The following TBC1D19 variants were observed in gnomAD, a reference collection of about 807,000 sequenced individuals.
TBC1D19 encodes TBC1 domain family, member 19.
A neutral mutation model predicts 89.0 loss-of-function variants in TBC1D19; 60 were observed. The ratio of observed to expected loss-of-function variants is 0.67; its 90% CI spans 0.55 to 0.84. The LOEUF (loss-of-function observed/expected upper bound fraction) is 0.84. Ranked by LOEUF, TBC1D19 falls within the 40% of genes least tolerant of loss-of-function variation. TBC1D19 has a pLI of 0.00. For synonymous variants in TBC1D19, 189 were observed against 199.7 expected (o/e 0.95, Z 0.45); for missense variants, 500 against 610.8 (o/e 0.82, Z 1.91).
chr4:26,695,154 G>C (rs1430642619), intron 13 of TBC1D19, among the ~76,000 whole-genome samples: 3 of 152,190 alleles, frequency 2.0e-5, no homozygotes, highest in Non-Finnish European at 2.9e-5. Context: ...CTGTAGAGAA[G>C]TACGTAAGTG....
the TBC1D19 span, among the ~76,000 whole-genome samples, chr4:26,806,574 C>T: frequency 2.0e-5 from 3 of 152,188 alleles, no homozygotes; most frequent in Non-Finnish European, 2.9e-5. Context: ...GTCAGGGTGC[C>T]TGGCATGAAG....
chr4:26,606,682 A>G (rs2109998811), intron 1 of TBC1D19, among the ~76,000 whole-genome samples: 1 of 152,332 alleles, frequency 6.6e-6, no homozygotes, highest in Middle Eastern at 3.4e-3. Context: ...CAAGCATTAA[A>G]TGGTTAGTCA....
chr4:26,659,642 C>T lies in TBC1D19; in HGVS notation c.526C>T (p.Leu176Phe), dbSNP rs910156295. ...CCCAAATTATGAAAACGGTGATTCT[C>T]TTAGTTTCAGGACTCATTTGGGTTT... Reference protein sequence around the residue: ...RNPNYENGDSLSFRTHLGLIQ... With the variant: ...RNPNYENGDSFSFRTHLGLIQ... Residue 176 changes from leucine to phenylalanine, a missense_variant, in exon 8 of 21, where the codon CTT becomes TTT. By Grantham distance (22) the Leu-to-Phe change is conservative. Transcript: ENST00000264866. 1.9e-5 allele frequency: 30 copies of T among 1,593,438 alleles called. No homozygotes were observed. Among genetic ancestry groups the T allele is most frequent in the Non-Finnish European group, 2.5e-5 (29 of 1,165,784 alleles).
At position 26,753,216 on chromosome 4, in the gene TBC1D19, C is replaced by T. The variant is rs188628725; in HGVS notation, c.1436-604C>T. On this transcript the variant is annotated intron_variant, in intron 19 of 20. Coordinates refer to ENST00000264866, the MANE Select transcript of TBC1D19 (RefSeq NM_018317.4). ...CTTTAAAGCCATGTTTCTATCAGGA[C>T]ACCTCCTTGTTACATATGAAACATA... 6.9e-4 allele frequency among the ~76,000 whole-genome samples: 105 copies of T among 152,310 alleles called. 1 individual carries two copies. The highest frequency in any genetic ancestry group is 2.2e-3 in the African/African-American group (93 of 41,578).
the TBC1D19 span, among the ~76,000 whole-genome samples, chr4:26,761,617 C>T: frequency 1.8e-3 from 280 of 152,114 alleles, no homozygotes; most frequent in African/African-American, 6.4e-3. Context: ...TGGGATTTTC[C>T]ATATATACAG....
Position 26,637,284 on chromosome 4 carries a change from A to T in TBC1D19, c.368A>T (p.Lys123Met), listed in dbSNP as rs1366364907. ...CTELSIPLAR[K>M]RPVGEQKELL... The stretch of plus-strand genomic sequence containing the variant: ...GAACTGAGTATCCCACTGGCACGAA[A>T]GGTACTTTTAAACATTTTTCTGTTT... Residue 123 changes from lysine to methionine, a missense_variant and splice_region_variant, in exon 5 of 21, where the codon AAG (lysine) becomes ATG (methionine). Physicochemically the swap from Lys to Met is moderately conservative, Grantham distance 95. This residue lies in a region of TBC1D19 where 280 missense variants were observed against 291.7 expected (regional missense o/e 0.96). Coordinates refer to ENST00000264866, the MANE Select transcript of TBC1D19 (RefSeq NM_018317.4). 6.2e-7 allele frequency: 1 copy of T among 1,607,708 alleles called. No individual in the cohort carries two copies.
At chr4:26,715,597 A>G (rs1017064123) in intron 13 of TBC1D19, among the ~76,000 whole-genome samples, 3 of 152,086 alleles carry the variant, frequency 2.0e-5, no homozygotes, top group Non-Finnish European at 4.4e-5. Context: ...CCAATGCTGC[A>G]GAGAGTTCTA....
At chr4:26,798,101 AACAG>A in the TBC1D19 span, among the ~76,000 whole-genome samples, 1 of 152,240 alleles carries the variant, frequency 6.6e-6, no homozygotes, top group African/African-American at 2.4e-5. Context: ...CAGCAGAGTA[AACAG>A]ACAACCTATA....
intron 19 of TBC1D19, among the ~76,000 whole-genome samples, chr4:26,748,991 G>A (rs911740690): frequency 5.3e-5 from 8 of 152,180 alleles, no homozygotes; most frequent in Non-Finnish European, 1.0e-4. Flanking sequence ...ATTTATAAAT[G>A]AAGTTAAAAC....
the TBC1D19 span, among the ~76,000 whole-genome samples, chr4:26,807,278 G>A: frequency 1.3e-5 from 2 of 152,102 alleles, no homozygotes; most frequent in Non-Finnish European, 2.9e-5. Flanking sequence ...CAGAACCTGA[G>A]CCTCCATAGC....
Position 26,714,411 on chromosome 4 carries a change from G to A in TBC1D19, c.955-3522G>A, listed in dbSNP as rs186037363. 4.6e-5 allele frequency among the ~76,000 whole-genome samples: 7 copies of A among 152,080 alleles called. No homozygotes were observed. In the South Asian group the frequency reaches 6.2e-4, roughly 14 times the overall value. Reference sequence around the variant, plus strand: ...TACCACTTGAACTGAAACTACTCTCGTCAAGGTCATCAAGAACTAAACCCA... The same window carrying A: ...TACCACTTGAACTGAAACTACTCTCATCAAGGTCATCAAGAACTAAACCCA... On this transcript the variant is annotated intron_variant, in intron 13 of 20. Transcript: ENST00000264866.
rs140431686 is a variant in TBC1D19 at position 26,747,650 on chromosome 4, A to C, written c.1320-761A>C. On this transcript the variant is annotated intron_variant, in intron 18 of 20. Coordinates refer to ENST00000264866, the MANE Select transcript of TBC1D19 (RefSeq NM_018317.4). ...GACAGTCAAGTGATATTAGATGCTA[A>C]TAGATAATACAGAAATATGAAGAAC... is the stretch of plus-strand genomic sequence containing the variant. Among the ~76,000 whole-genome samples, 25 of 152,336 alleles carry C rather than the reference A, an allele frequency of 1.6e-4. No homozygotes were observed. The East Asian group carries it at 4.6e-3, about 28-fold the overall frequency.
chr4:26,696,403 A>G (rs542645810), intron 13 of TBC1D19, among the ~76,000 whole-genome samples: 1 of 152,322 alleles, frequency 6.6e-6, no homozygotes, highest in East Asian at 1.9e-4. Flanking sequence ...CCTCACGATA[A>G]TAATGGGAGA....
At chr4:26,671,236 G>A (rs1290202523) in intron 9 of TBC1D19, among the ~76,000 whole-genome samples, 1 of 151,652 alleles carries the variant, frequency 6.6e-6, no homozygotes, top group African/African-American at 2.4e-5. Flanking sequence ...TAGCTATTGT[G>A]GTGGTTGTGT....
chr4:26,656,594 T>A (rs1346552965), intron 7 of TBC1D19, among the ~76,000 whole-genome samples: 2 of 151,998 alleles, frequency 1.3e-5, no homozygotes, highest in Non-Finnish European at 2.9e-5. Flanking sequence ...AGTGTTGCTC[T>A]GCCATCCAGG....
intron 11 of TBC1D19, among the ~76,000 whole-genome samples, chr4:26,680,039 C>G (rs934226488): frequency 1.3e-5 from 2 of 152,120 alleles, no homozygotes; most frequent in Admixed American, 1.3e-4. Flanking sequence ...TGAGTTAGTT[C>G]TCCTGAGATC....
chr4:26,664,255 C>T lies in TBC1D19; in HGVS notation c.592-2078C>T, dbSNP rs538150021. 5.9e-5 allele frequency among the ~76,000 whole-genome samples: 9 copies of T among 152,268 alleles called. No homozygotes were observed. The South Asian group carries it at 1.9e-3, about 32-fold the overall frequency. On this transcript the variant is annotated intron_variant, in intron 8 of 20. Coordinates refer to ENST00000264866, the MANE Select transcript of TBC1D19 (RefSeq NM_018317.4). ...GCCTGGAATGTCAAGGGAGGCTTCT[C>T]TGAAGATGTCATACCTGGGGTGAGT... is the stretch of plus-strand genomic sequence containing the variant.
chr4:26,740,737 A>G (rs1718314877), intron 17 of TBC1D19: 1 of 985,246 alleles, frequency 1.0e-6, no homozygotes, highest in Non-Finnish European at 1.2e-6. Context: ...ACTCCAGGTG[A>G]AACATTCAAT....
chr4:26,732,918 G>C (rs1339379386), intron 15 of TBC1D19, among the ~76,000 whole-genome samples: 1 of 152,218 alleles, frequency 6.6e-6, no homozygotes, highest in African/African-American at 2.4e-5. Flanking sequence ...AATGGCATCA[G>C]CCTCGTAGTG....
Sources: gnomAD v4.1 joint callset for allele counts (sites outside exome capture counted in the v4.1 genomes callset) on GRCh38, gnomAD v4.1.1 for gene constraint, gnomAD v4.1.1 regional missense constraint, MANE v1.5 for transcripts, NCBI Gene and HGNC (gene_info 2026-07-23, HGNC 2026-07-21) for gene names.